FIBIN: variants seen among roughly 807,000 people sequenced by gnomAD.
The protein encoded by FIBIN is fin bud initiation factor homolog.
A neutral mutation model predicts 13.0 loss-of-function variants in FIBIN; 8 were observed. The observed-to-expected ratio is 0.62, with a 90% CI of 0.36 to 1.11. The LOEUF (loss-of-function observed/expected upper bound fraction) is 1.11. Ranked by LOEUF, FIBIN falls within the 50% of genes most tolerant of loss-of-function variation. FIBIN has a pLI of 0.02. For synonymous variants in FIBIN, 127 were observed against 114.7 expected (o/e 1.11, Z -0.69); for missense variants, 261 against 260.2 (o/e 1.00, Z -0.02).
chr11:26,994,555 G>A lies in FIBIN; in HGVS notation c.29G>A (p.Ser10Asn), dbSNP rs774059740. The change falls in exon 1 of 1, where the codon AGT (serine) becomes AAT (asparagine). Residue 10 changes from serine (S) to asparagine (N), a missense_variant. Coordinates refer to ENST00000318627, the MANE Select transcript of FIBIN (RefSeq NM_203371.2). ...GTGTTTCTGAAGTTCTTCTGCATGA[G>A]TTTCTTCTGCCACCTGTGTCAAGGC... is the stretch of plus-strand genomic sequence containing the variant. MVFLKFFCM[S>N]FFCHLCQGYF... is the part of the protein sequence containing the mutation. 4 of 1,609,712 alleles carry A rather than the reference G, an allele frequency of 2.5e-6. No individual in the cohort carries two copies. In the East Asian group the frequency reaches 6.7e-5, roughly 27 times the overall value.
In FIBIN at chr11:26,994,617, G is replaced by A. The variant is rs750543782; in HGVS notation, c.91G>A (p.Gly31Arg). The change falls in exon 1 of 1, where the codon GGG becomes AGG. Residue 31 changes from glycine to arginine, a missense_variant. Coordinates refer to ENST00000318627, the MANE Select transcript of FIBIN (RefSeq NM_203371.2). ...DGPLYPEMSN[G>R]TLHHYFVPDG... ...CCCCCTCTACCCAGAGATGTCCAAT[G>A]GGACTCTGCACCACTACTTCGTGCC... 25 of 1,614,108 alleles carry A rather than the reference G, an allele frequency of 1.5e-5. No individual in the cohort carries two copies. The highest frequency in any genetic ancestry group is 3.3e-4 in the Middle Eastern group (2 of 6,062).
rs1468985777 is a variant in FIBIN at position 26,994,922 on chromosome 11, C to A, written c.396C>A (p.Asn132Lys). Residue 132 changes from asparagine to lysine, a missense_variant, in exon 1 of 1, where the codon AAC (asparagine) becomes AAA (lysine). Transcript: ENST00000318627. ...ACCAGATCGGGGATGCCTACTCCAA[C>A]TCGGACAAATCCCTCACTGAGCTGG... ...ESHQIGDAYS[N>K]SDKSLTELES... 6.2e-7 allele frequency: 1 copy of A among 1,609,168 alleles called. No individual in the cohort carries two copies. The highest frequency in any genetic ancestry group is 1.7e-5 in the Admixed American group (1 of 59,800).
In FIBIN at chr11:26,995,125, G is replaced by A. The variant is rs779278112; in HGVS notation, c.599G>A (p.Arg200Gln). ...LALTIRSHGT[R>Q]LGRLKNDYLK... ...CTCACCATTAGGAGCCATGGGACCC[G>A]ACTAGGTCGGCTGAAAAATGATTAT... The change falls in exon 1 of 1, where the codon CGA becomes CAA. Residue 200 changes from arginine (R) to glutamine (Q), a missense_variant. Coordinates refer to ENST00000318627, the MANE Select transcript of FIBIN (RefSeq NM_203371.2). 6.2e-7 allele frequency: 1 copy of A among 1,607,814 alleles called. No homozygotes were observed. The highest frequency in any genetic ancestry group is 8.5e-7 in the Non-Finnish European group (1 of 1,177,976).
In FIBIN at chr11:26,995,141, A is replaced by G; in HGVS notation, c.615A>G (p.Lys205=). Residue 205 remains lysine (K), a synonymous_variant, in exon 1 of 1, where the codon AAA becomes AAG. Coordinates refer to ENST00000318627, the MANE Select transcript of FIBIN (RefSeq NM_203371.2). ...ATGGGACCCGACTAGGTCGGCTGAA[A>G]AATGATTATCTTAAAGTATAGGTGG... ...RSHGTRLGRL[K]NDYLKV The G allele has an allele frequency of 6.2e-7, 1 of 1,603,914 alleles. No individual in the cohort carries two copies. Among genetic ancestry groups the G allele is most frequent in the Non-Finnish European group, 8.5e-7 (1 of 1,176,186 alleles).
In FIBIN at chr11:26,996,171, G is replaced by T. The variant is rs540352916; in HGVS notation, c.*1009G>T. 1.2e-5 allele frequency: 2 copies of T among 166,736 alleles called. No individual in the cohort carries two copies. Among genetic ancestry groups the T allele is most frequent in the Admixed American group, 6.5e-5 (1 of 15,278 alleles). 10.3% of individuals were successfully genotyped at this position (166,736 alleles called of 1,614,324 possible). The stretch of plus-strand genomic sequence containing the variant: ...TCTGTAACTTTCATATTTCTAAAAG[G>T]GGCCAATGCAAAAGGAGAGAGAAGG... On this transcript the variant is annotated 3_prime_UTR_variant, in exon 1 of 1. Transcript: ENST00000318627.
In FIBIN at chr11:26,995,647, T is replaced by G. The variant is rs1477026106; in HGVS notation, c.*485T>G. 6.0e-6 allele frequency: 1 copy of G among 167,734 alleles called. No homozygotes were observed. The highest frequency in any genetic ancestry group is 1.5e-5 in the Non-Finnish European group (1 of 68,636). The allele number at this position is 167,734 out of a possible 1,614,324, so 10.4% of individuals were successfully genotyped here. On this transcript the variant is annotated 3_prime_UTR_variant, in exon 1 of 1. Transcript: ENST00000318627. Reference sequence around the variant, plus strand: ...ATGAGGTTCAAGGTGCTGCTTTGCATGCCTGCCAACCCATGGAAGTTGTTT... The same window carrying G: ...ATGAGGTTCAAGGTGCTGCTTTGCAGGCCTGCCAACCCATGGAAGTTGTTT...
chr11:26,994,898 C>A lies in FIBIN; in HGVS notation c.372C>A (p.His124Gln). The A allele has an allele frequency of 1.2e-6, 2 of 1,602,384 alleles. No individual in the cohort carries two copies. The highest frequency in any genetic ancestry group is 1.7e-6 in the Non-Finnish European group (2 of 1,173,724). The change falls in exon 1 of 1, where the codon CAC (histidine) becomes CAA (glutamine). Residue 124 changes from histidine (H) to glutamine (Q), a missense_variant. His to Gln is a conservative substitution (Grantham distance 24). Transcript: ENST00000318627. ...SYGKYLRRES[H>Q]QIGDAYSNSD... is the part of the protein sequence containing the mutation. Reference sequence around the variant, plus strand: ...GCAAGTACCTGCGGCGGGAGTCCCACCAGATCGGGGATGCCTACTCCAACT... The same window carrying A: ...GCAAGTACCTGCGGCGGGAGTCCCAACAGATCGGGGATGCCTACTCCAACT...
In FIBIN at chr11:26,996,126, G is replaced by T. The variant is rs1850925337; in HGVS notation, c.*964G>T. 6.0e-6 allele frequency: 1 copy of T among 166,804 alleles called. No individual in the cohort carries two copies. The highest frequency in any genetic ancestry group is 1.5e-5 in the Non-Finnish European group (1 of 68,098). The allele number at this position is 166,804 out of a possible 1,614,324, so 10.3% of individuals were successfully genotyped here. On this transcript the variant is annotated 3_prime_UTR_variant, in exon 1 of 1. Transcript: ENST00000318627. The stretch of plus-strand genomic sequence containing the variant: ...AATAAACATGTTTTCATGTAATACT[G>T]GCTTACTTTGTAATTTACATCTGTA...
chr11:26,996,787 T>A lies in FIBIN; in HGVS notation c.*1625T>A, dbSNP rs1185639917. ...CTGGGAAAGGCTAAATGACTTATCC[T>A]CCATCAGTTATAACAGCCCCTGGTC... On this transcript the variant is annotated 3_prime_UTR_variant, in exon 1 of 1. Transcript: ENST00000318627. Among the ~76,000 whole-genome samples the A allele has an allele frequency of 6.6e-6, 1 of 152,200 alleles. No individual in the cohort carries two copies.
In FIBIN at chr11:26,994,774, A is replaced by T. The variant is rs745468474; in HGVS notation, c.248A>T (p.Glu83Val). Residue 83 changes from glutamate to valine, a missense_variant, in exon 1 of 1, where the codon GAG becomes GTG. By Grantham distance (121) the Glu-to-Val change is moderately radical. Coordinates refer to ENST00000318627, the MANE Select transcript of FIBIN (RefSeq NM_203371.2). ...GSLLSLTLRE[E>V]FTVLGRQVED... ...CTGCTGAGCCTCACCCTGCGGGAGGAGTTCACCGTGCTGGGCCGCCAGGTG... is the reference window on the plus strand; with the variant it reads ...CTGCTGAGCCTCACCCTGCGGGAGGTGTTCACCGTGCTGGGCCGCCAGGTG... 5 of 1,612,128 alleles carry T rather than the reference A, an allele frequency of 3.1e-6. No individual in the cohort carries two copies. The highest frequency in any genetic ancestry group is 4.2e-6 in the Non-Finnish European group (5 of 1,179,034).
rs1485635325 is a variant in FIBIN at position 26,996,453 on chromosome 11, T to A, written c.*1291T>A. ...ACCCTTATGCAGAGCAAGCATTCCA[T>A]CCTAAGTTATAAACTACAGTGATGT... On this transcript the variant is annotated 3_prime_UTR_variant, in exon 1 of 1. Coordinates refer to ENST00000318627, the MANE Select transcript of FIBIN (RefSeq NM_203371.2). Among the ~76,000 whole-genome samples the A allele has an allele frequency of 6.6e-6, 1 of 152,174 alleles. No homozygotes were observed. Among genetic ancestry groups the A allele is most frequent in the Non-Finnish European group, 1.5e-5 (1 of 68,032 alleles).
At position 26,994,643 on chromosome 11, in the gene FIBIN, C is replaced by G. The variant is rs2133347230; in HGVS notation, c.117C>G (p.Pro39=). ...GGACTCTGCACCACTACTTCGTGCC[C>G]GATGGGGACTATGAGGAGAACGATG... ...SNGTLHHYFV[P]DGDYEENDDP... is the part of the protein sequence containing the mutation. The change falls in exon 1 of 1, where the codon CCC becomes CCG. Residue 39 remains proline, a synonymous_variant. Transcript: ENST00000318627. 1 of 1,613,972 alleles carries G rather than the reference C, an allele frequency of 6.2e-7. No homozygotes were observed. The highest frequency in any genetic ancestry group is 1.3e-5 in the African/African-American group (1 of 74,982).
rs188303403 is a variant in FIBIN at position 26,996,840 on chromosome 11, G to A, written c.*1678G>A. ...CTTAAATTTAAACACGGGACTTCCC[G>A]AACTAATTTTTTTAAGGATACTGAA... On this transcript the variant is annotated 3_prime_UTR_variant, in exon 1 of 1. Transcript: ENST00000318627. Among the ~76,000 whole-genome samples, 71 of 152,142 alleles carry A rather than the reference G, an allele frequency of 4.7e-4. No homozygotes were observed. The highest frequency in any genetic ancestry group is 1.5e-3 in the African/African-American group (64 of 41,526).
rs1437836470 is a variant in FIBIN at position 26,994,748 on chromosome 11, C to G, written c.222C>G (p.Ser74Arg). 6 of 1,613,262 alleles carry G rather than the reference C, an allele frequency of 3.7e-6. No homozygotes were observed. The highest frequency in any genetic ancestry group is 5.1e-6 in the Non-Finnish European group (6 of 1,179,814). Reference sequence around the variant, plus strand: ...AGGGGGAGGGGAGCCAGGTTGGCAGCCTGCTGAGCCTCACCCTGCGGGAGG... The same window carrying G: ...AGGGGGAGGGGAGCCAGGTTGGCAGGCTGCTGAGCCTCACCCTGCGGGAGG... Reference protein sequence around the residue: ...CSQGEGSQVGSLLSLTLREEF... With the variant: ...CSQGEGSQVGRLLSLTLREEF... Residue 74 changes from serine to arginine, a missense_variant, in exon 1 of 1, where the codon AGC (serine) becomes AGG (arginine). Transcript: ENST00000318627.
rs915331584 is a variant in FIBIN at position 26,995,211 on chromosome 11, T to C, written c.*49T>C. ...AGAGGGAATCAAATCAGCCCCGTTTTGGAGGGTGGGGGACAGAAGATGGGG... is the reference window on the plus strand; with the variant it reads ...AGAGGGAATCAAATCAGCCCCGTTTCGGAGGGTGGGGGACAGAAGATGGGG... On this transcript the variant is annotated 3_prime_UTR_variant, in exon 1 of 1. Coordinates refer to ENST00000318627, the MANE Select transcript of FIBIN (RefSeq NM_203371.2). 2.0e-6 allele frequency: 3 copies of C among 1,533,822 alleles called. No homozygotes were observed. The highest frequency in any genetic ancestry group is 2.6e-6 in the Non-Finnish European group (3 of 1,139,644).
rs758538918 is a variant in FIBIN, at chr11:26,994,720, C to T, written c.194C>T (p.Ser65Phe). The T allele has an allele frequency of 3.1e-6, 5 of 1,613,540 alleles. No individual in the cohort carries two copies. The highest frequency in any genetic ancestry group is 2.2e-5 in the South Asian group (2 of 91,038). ...LFRVSDHRRC[S>F]QGEGSQVGSL... ...AGGGTGAGTGACCACAGGCGCTGCT[C>T]CCAGGGGGAGGGGAGCCAGGTTGGC... The change falls in exon 1 of 1, where the codon TCC becomes TTC. Residue 65 changes from serine to phenylalanine, a missense_variant. Transcript: ENST00000318627.
Position 26,994,288 on chromosome 11 carries a change from G to C in FIBIN, c.-239G>C. On this transcript the variant is annotated 5_prime_UTR_variant, in exon 1 of 1. Coordinates refer to ENST00000318627, the MANE Select transcript of FIBIN (RefSeq NM_203371.2). ...CTACGCCTGTGCCGGAGGAGTTCCA[G>C]TCACCGAGCGAGGGGCGCAAGGGTG... 2.2e-6 allele frequency: 1 copy of C among 454,066 alleles called. No homozygotes were observed. The highest frequency in any genetic ancestry group is 3.9e-6 in the Non-Finnish European group (1 of 257,826). 28.1% of individuals were successfully genotyped at this position (454,066 alleles called of 1,614,324 possible). A position where few individuals can be genotyped will look rare whatever the true frequency, so the allele number is the denominator to read the frequency against.
rs1468394033 is a variant in FIBIN at position 26,995,730 on chromosome 11, GT to G, written c.*569del. 6.0e-6 allele frequency: 1 copy of G among 166,570 alleles called. No homozygotes were observed. The highest frequency in any genetic ancestry group is 1.5e-5 in the Non-Finnish European group (1 of 68,092). The allele number at this position is 166,570 out of a possible 1,614,324, so 10.3% of individuals were successfully genotyped here. A position where few individuals can be genotyped will look rare whatever the true frequency, so the allele number is the denominator to read the frequency against. ...GGTCTGAGAGTTGTTTTTGTTCTAT[GT>G]AACAGTATTGCCACAAAACTATAGG... On this transcript the variant is annotated 3_prime_UTR_variant, in exon 1 of 1. Transcript: ENST00000318627.
rs1850915381 is a variant in FIBIN at position 26,995,321 on chromosome 11, A to T, written c.*159A>T. On this transcript the variant is annotated 3_prime_UTR_variant, in exon 1 of 1. Coordinates refer to ENST00000318627, the MANE Select transcript of FIBIN (RefSeq NM_203371.2). ...CTAAGGTCATCTTTCAAAAGAGAAA[A>T]ATTGGACACTTGAGTGACTTTGTTT... 1 of 636,204 alleles carries T rather than the reference A, an allele frequency of 1.6e-6. No individual in the cohort carries two copies. Among genetic ancestry groups the T allele is most frequent in the Admixed American group, 3.7e-5 (1 of 27,028 alleles). 39.4% of individuals were successfully genotyped at this position (636,204 alleles called of 1,614,324 possible).
Sources: gnomAD v4.1 joint callset for allele counts (sites outside exome capture counted in the v4.1 genomes callset) on GRCh38, gnomAD v4.1.1 for gene constraint, MANE v1.5 for transcripts, NCBI Gene and HGNC (gene_info 2026-07-23, HGNC 2026-07-21) for gene names.